WBP2NL: variants seen among roughly 807,000 people sequenced by gnomAD.
WBP2NL encodes the protein postacrosomal sheath WW domain-binding protein.
WBP2NL carries 27 observed loss-of-function variants against 23.3 expected under a neutral mutation model. The observed-to-expected ratio is 1.16, with a 90% CI of 0.85 to 1.60. WBP2NL has a LOEUF of 1.60. Ranked by LOEUF, WBP2NL falls within the 40% of genes most tolerant of loss-of-function variation. The pLI, the probability that WBP2NL is intolerant of heterozygous loss-of-function variation, is 0.00. For synonymous variants in WBP2NL, 151 were observed against 145.9 expected, an observed-to-expected ratio of 1.03 and a Z score of -0.25; for missense variants, 370 against 389.5, an observed-to-expected ratio of 0.95 and a Z score of 0.42.
At chr22:42,055,994 G>A (rs1453266092) in intron 8 of WBP2NL, among the ~76,000 whole-genome samples, 1 of 149,252 alleles carries the variant, frequency 6.7e-6, no homozygotes, top group Non-Finnish European at 1.5e-5. Context: ...TCTTTTAAAT[G>A]CATTCTGTCG....
intron 8 of WBP2NL, among the ~76,000 whole-genome samples, chr22:42,039,207 G>A (rs1035905292): frequency 6.6e-6 from 1 of 151,926 alleles, no homozygotes; most frequent in Non-Finnish European, 1.5e-5. Context: ...AAGTAGCTGG[G>A]ATTACAGGCG....
intron 5 of WBP2NL, among the ~76,000 whole-genome samples, chr22:42,023,633 C>A (rs541361298): frequency 2.7e-5 from 4 of 150,940 alleles, no homozygotes; most frequent in African/African-American, 4.9e-5. Context: ...CTGGGACTAC[C>A]GGCGCCCGCC....
chr22:42,016,821 T>C (rs568903909), intron 1 of WBP2NL, among the ~76,000 whole-genome samples: 1 of 152,334 alleles, frequency 6.6e-6, no homozygotes, highest in South Asian at 2.1e-4. Flanking sequence ...ATTCTTAAAC[T>C]GATCCCTCTG....
chr22:42,008,809 C>A (rs776897732), intron 1 of WBP2NL, among the ~76,000 whole-genome samples: 1 of 150,800 alleles, frequency 6.6e-6, no homozygotes, highest in African/African-American at 2.4e-5. Flanking sequence ...GATGGAGTCT[C>A]GCTCTGTTGC....
rs1362939068 is a variant in WBP2NL at position 42,010,597 on chromosome 22, GGC to G, written c.63-8711_63-8710del. ...TCTGTTGCCCAGGCTGGAGTGCAGT[GGC>G]GCAATCTCGGCTCACTGCCAGCTCT... On this transcript the variant is annotated intron_variant, in intron 1 of 5. Transcript: ENST00000328823. Among the ~76,000 whole-genome samples the G allele has an allele frequency of 4.0e-5, 6 of 151,860 alleles. No homozygotes were observed. In the South Asian group the frequency reaches 1.2e-3, roughly 32 times the overall value.
Position 42,027,673 on chromosome 22 carries a change from C to A in WBP2NL, c.*492C>A. ...ATTATACACCTGTTGAAAACTATGT[C>A]TAGAGGTAGAGAAAGCCTTCTTTGA... On this transcript the variant is annotated 3_prime_UTR_variant, in exon 6 of 6. Transcript: ENST00000328823. The A allele has an allele frequency of 3.3e-6, 1 of 303,916 alleles. No homozygotes were observed. Among genetic ancestry groups the A allele is most frequent in the Non-Finnish European group, 6.0e-6 (1 of 168,054 alleles). The allele number at this position is 303,916 out of a possible 1,614,324, so 18.8% of individuals were successfully genotyped here. A position where few individuals can be genotyped will look rare whatever the true frequency, so the allele number is the denominator to read the frequency against.
chr22:42,014,267 C>A (rs1923105288), intron 1 of WBP2NL, among the ~76,000 whole-genome samples: 1 of 151,694 alleles, frequency 6.6e-6, no homozygotes, highest in African/African-American at 2.4e-5. Context: ...CCTCTGTCAC[C>A]CAGGCTGGAG....
chr22:42,053,786 T>C (rs1291317599), intron 8 of WBP2NL, among the ~76,000 whole-genome samples: 1 of 152,156 alleles, frequency 6.6e-6, no homozygotes, highest in Admixed American at 6.6e-5. Context: ...ATGAGCTTAT[T>C]AGCCATTTGT....
chr22:42,035,194 A>T (rs1373071752), downstream of WBP2NL, among the ~76,000 whole-genome samples: 1 of 152,274 alleles, frequency 6.6e-6, no homozygotes, highest in Non-Finnish European at 1.5e-5. Context: ...ATGTCCATAA[A>T]ATCTTCACAA....
rs1351060394 is a variant in WBP2NL, at chr22:42,027,791, A to C, written c.*610A>C. The C allele has an allele frequency of 7.6e-6, 3 of 395,056 alleles. No individual in the cohort carries two copies. Among genetic ancestry groups the C allele is most frequent in the African/African-American group, 4.1e-5 (2 of 48,706 alleles). The allele number at this position is 395,056 out of a possible 1,614,324, so 24.5% of individuals were successfully genotyped here. ...CAGAAGTTAAAAGATAGGCAACAGA[A>C]TAGGAAAAAGTGATTTTCAACATAT... On this transcript the variant is annotated 3_prime_UTR_variant, in exon 6 of 6. Coordinates refer to ENST00000328823, the MANE Select transcript of WBP2NL (RefSeq NM_152613.3).
chr22:41,999,379 C>G (rs1009492357), intron 1 of WBP2NL, among the ~76,000 whole-genome samples: 16 of 152,170 alleles, frequency 1.1e-4, no homozygotes, highest in African/African-American at 3.9e-4. Context: ...GTGGATCATT[C>G]TGGAAAGATC....
chr22:42,053,824 A>C (rs1569455674), intron 8 of WBP2NL, among the ~76,000 whole-genome samples: 2 of 151,986 alleles, frequency 1.3e-5, no homozygotes, highest in Non-Finnish European at 2.9e-5. Flanking sequence ...TGTCTATTCA[A>C]ATTCTTTGTC....
At chr22:42,029,977 A>G (rs2146806574), downstream of WBP2NL, 1 of 152,326 alleles carries the variant, frequency 6.6e-6, no homozygotes, top group South Asian at 2.1e-4. Context: ...GAAAATTAGG[A>G]AACCAGATGC....
intron 1 of WBP2NL, 40 bp from the exon 2 acceptor site, chr22:42,019,271 C>T: frequency 6.5e-7 from 1 of 1,535,116 alleles, no homozygotes; most frequent in Non-Finnish European, 8.9e-7. Context: ...ATTTTACATA[C>T]ATTCTTTATT....
chr22:42,039,439 T>C (rs1925317740), intron 8 of WBP2NL, among the ~76,000 whole-genome samples: 1 of 150,992 alleles, frequency 6.6e-6, no homozygotes, highest in African/African-American at 2.4e-5. Flanking sequence ...GCAATCCTCC[T>C]GGCTCAGCGT....
chr22:42,022,648 A>T (rs1924082729), intron 5 of WBP2NL, among the ~76,000 whole-genome samples: 1 of 152,218 alleles, frequency 6.6e-6, no homozygotes, highest in African/African-American at 2.4e-5. Context: ...CAGAAAATAT[A>T]TGCTCTTGCC....
intron 1 of WBP2NL, among the ~76,000 whole-genome samples, chr22:42,013,382 A>G (rs965605955): frequency 2.7e-5 from 4 of 150,802 alleles, no homozygotes; most frequent in Non-Finnish European, 4.4e-5. Context: ...GTGAAACTCC[A>G]TCTCAAAAAA....
chr22:42,046,210 T>G (rs1925581526), intron 8 of WBP2NL, among the ~76,000 whole-genome samples: 1 of 152,230 alleles, frequency 6.6e-6, no homozygotes, highest in Non-Finnish European at 1.5e-5. Flanking sequence ...TTTTAATTTT[T>G]GGAATTTGGG....
intron 1 of WBP2NL, among the ~76,000 whole-genome samples, chr22:41,999,661 G>A (rs1445336645): frequency 6.6e-6 from 1 of 152,104 alleles, no homozygotes. Context: ...CCAGCTGCTT[G>A]GGAGGCGATG....
Sources: allele counts gnomAD v4.1 joint callset (sites outside exome capture counted in the v4.1 genomes callset), GRCh38; gene constraint gnomAD v4.1.1; transcripts MANE v1.5; gene names NCBI Gene and HGNC (gene_info 2026-07-23, HGNC 2026-07-21).